The following INPP5F variants were observed in gnomAD, a reference collection of about 807,000 sequenced individuals.
INPP5F encodes inositol polyphosphate-5-phosphatase F.
A neutral mutation model predicts 137.2 loss-of-function variants in INPP5F; 97 were observed. That is an observed-to-expected ratio of 0.71 (90% CI 0.60 to 0.84). The LOEUF (loss-of-function observed/expected upper bound fraction) is 0.84, where lower values mean the gene tolerates loss of function less well. Among genes scored for constraint, INPP5F ranks in the 40% least tolerant of loss-of-function variants. The pLI, the probability that INPP5F is intolerant of heterozygous loss-of-function variation, is 0.00. For synonymous variants in INPP5F, 504 were observed against 476.9 expected (o/e 1.06, Z -0.74); for missense variants, 1,271 against 1,371.9 (o/e 0.93, Z 1.16).
chr10:119,819,251 A>AG (rs1851441089), intron 15 of INPP5F: 5 of 50,446 alleles, frequency 9.9e-5, no homozygotes, highest in African/African-American at 2.7e-4. Flanking sequence ...TTTAAAGGGG[A>AG]AGGGTGGGTG....
chr10:119,794,599 G>A (rs1850261858), intron 6 of INPP5F, among the ~76,000 whole-genome samples: 1 of 151,694 alleles, frequency 6.6e-6, no homozygotes, highest in African/African-American at 2.4e-5. Flanking sequence ...GGGGCGGCCG[G>A]GCAAAGGCGC....
chr10:119,757,989 T>C (rs1023265201), intron 2 of INPP5F, among the ~76,000 whole-genome samples: 2 of 152,216 alleles, frequency 1.3e-5, no homozygotes, highest in Non-Finnish European at 2.9e-5. Flanking sequence ...TGAGTACTTA[T>C]GGATTTAACA....
chr10:119,796,739 A>G lies in INPP5F; in HGVS notation c.694A>G (p.Ile232Val), dbSNP rs745636185. Reference sequence around the variant, plus strand: ...GACTCCAGATGTGGACTTTTGGATTATCCCCATGATCCAAGGTTTTGTGCA... The same window carrying G: ...GACTCCAGATGTGGACTTTTGGATTGTCCCCATGATCCAAGGTTTTGTGCA... ...IGTPDVDFWI[I>V]PMIQGFVQIE... The change falls in exon 7 of 20, where the codon ATC (isoleucine) becomes GTC (valine). Residue 232 changes from isoleucine (I) to valine (V), a missense_variant. Physicochemically the swap from Ile to Val is conservative, Grantham distance 29. This residue lies in a region of INPP5F where 593 missense variants were observed against 712.4 expected (regional missense o/e 0.83). Coordinates refer to ENST00000650623, the MANE Select transcript of INPP5F (RefSeq NM_014937.4). The G allele has an allele frequency of 6.2e-7, 1 of 1,613,838 alleles. No individual in the cohort carries two copies. The highest frequency in any genetic ancestry group is 8.5e-7 in the Non-Finnish European group (1 of 1,179,850).
Position 119,797,542 on chromosome 10 carries a change from A to G in INPP5F, c.950A>G (p.His317Arg). 6.2e-7 allele frequency: 1 copy of G among 1,613,020 alleles called. No individual in the cohort carries two copies. The highest frequency in any genetic ancestry group is 1.1e-5 in the South Asian group (1 of 90,728). Residue 317 changes from histidine (H) to arginine (R), a missense_variant, in exon 8 of 20, where the codon CAT becomes CGT. Transcript: ENST00000650623. Reference sequence around the variant, plus strand: ...GAGACTGAGCAGTTGATTCATGTTCATAATCATACCCTGTCATTTGTTCAA... The same window carrying G: ...GAGACTGAGCAGTTGATTCATGTTCGTAATCATACCCTGTCATTTGTTCAA... ...YVETEQLIHVHNHTLSFVQTR... is the reference protein window; with the variant it reads ...YVETEQLIHVRNHTLSFVQTR...
intron 15 of INPP5F, chr10:119,814,586 C>A (rs1284584078): frequency 6.6e-6 from 1 of 152,232 alleles, no homozygotes; most frequent in Non-Finnish European, 1.5e-5. Flanking sequence ...CCCCAAAAAG[C>A]AGCTGCCCAC....
chr10:119,785,286 G>GTTTTTTTTTTTTTTTTTTTTTTTTTTT (rs71019717), intron 3 of INPP5F, among the ~76,000 whole-genome samples: 15 of 106,232 alleles, frequency 1.4e-4, no homozygotes, highest in South Asian at 4.5e-4. Flanking sequence ...CTGCCAGACT[G>GTTTTTTTTTTTTTTTTTTTTTTTTTTT]TTTTTTTTTT....
chr10:119,790,161 C>T (rs544817160), intron 3 of INPP5F, among the ~76,000 whole-genome samples: 5 of 151,656 alleles, frequency 3.3e-5, no homozygotes, highest in African/African-American at 1.2e-4. Context: ...AGGAGTCGCT[C>T]GGGGGTGTGC....
intron 1 of INPP5F, among the ~76,000 whole-genome samples, chr10:119,732,036 GTTTTTTTTTTTTTTTT>G (rs57619660): frequency 2.0e-5 from 2 of 101,614 alleles, no homozygotes; most frequent in Non-Finnish European, 3.9e-5. Flanking sequence ...AAGACAAGTG[GTTTTTTTTTTTTTTTT>G]TTTTTTAGTG....
At position 119,748,797 on chromosome 10, in the gene INPP5F, C is replaced by T. The variant is rs555403401; in HGVS notation, c.98-2279C>T. Among the ~76,000 whole-genome samples the T allele has an allele frequency of 3.3e-5, 5 of 152,194 alleles. No individual in the cohort carries two copies. Among genetic ancestry groups the T allele is most frequent in the African/African-American group, 1.2e-4 (5 of 41,450 alleles). ...CTTACTCCAGCTCACGGACTCCACC[C>T]GGAACCTGCAGCTCAGACCCCAGGC... On this transcript the variant is annotated intron_variant, in intron 1 of 19. Coordinates refer to ENST00000650623, the MANE Select transcript of INPP5F (RefSeq NM_014937.4). The surrounding 1 kb of genome is among the most constrained non-coding windows in gnomAD (Gnocchi z 4.7).
At chr10:119,812,066 T>A (rs1380642079) in intron 15 of INPP5F, 111 bp downstream of exon 15, 2 of 815,672 alleles carry the variant, frequency 2.5e-6, no homozygotes, top group Non-Finnish European at 4.0e-6. Flanking sequence ...GCATGGCGCG[T>A]GACTATTTCC....
Position 119,827,063 on chromosome 10 carries a change from T to C in INPP5F, c.2682T>C (p.Ile894=). The C allele has an allele frequency of 6.2e-7, 1 of 1,614,108 alleles. No homozygotes were observed. The highest frequency in any genetic ancestry group is 8.5e-7 in the Non-Finnish European group (1 of 1,179,984). Residue 894 remains isoleucine (I), a synonymous_variant, in exon 20 of 20, where the codon ATT becomes ATC. Transcript: ENST00000650623. Reference sequence around the variant, plus strand: ...ATTACGTTCTTCCTAGTTGTGGTATTATTGCCTCAGCGCCTCGATTGGGCA... The same window carrying C: ...ATTACGTTCTTCCTAGTTGTGGTATCATTGCCTCAGCGCCTCGATTGGGCA... ...PIDYVLPSCG[I]IASAPRLGSR... is the part of the protein sequence containing the mutation.
intron 1 of INPP5F, among the ~76,000 whole-genome samples, chr10:119,745,080 A>G (rs544840160): frequency 6.6e-6 from 1 of 152,192 alleles, no homozygotes; most frequent in South Asian, 2.1e-4. Flanking sequence ...GGAAAAGGGT[A>G]TTGAATGAGG....
intron 2 of INPP5F, among the ~76,000 whole-genome samples, chr10:119,765,864 A>T (rs1434474658): frequency 3.3e-5 from 1 of 30,748 alleles, no homozygotes; most frequent in Non-Finnish European, 7.8e-5. Flanking sequence ...TACACTATAT[A>T]CTATATATAT....
Position 119,726,379 on chromosome 10 carries a change from C to T in INPP5F, c.97+20C>T. 1 of 1,271,458 alleles carries T rather than the reference C, an allele frequency of 7.9e-7. No homozygotes were observed. The highest frequency in any genetic ancestry group is 1.0e-6 in the Non-Finnish European group (1 of 1,000,868). 78.8% of individuals were successfully genotyped at this position (1,271,458 alleles called of 1,614,324 possible). A position where few individuals can be genotyped will look rare whatever the true frequency, so the allele number is the denominator to read the frequency against. ...GACCCGGTGAGGCTGGCGGTGCGGGCGGGGGGCACCCCGGGCCAGGGCGGG... is the reference window on the plus strand; with the variant it reads ...GACCCGGTGAGGCTGGCGGTGCGGGTGGGGGGCACCCCGGGCCAGGGCGGG... On this transcript the variant is annotated intron_variant, in intron 1 of 19. Transcript: ENST00000650623.
intron 15 of INPP5F, chr10:119,819,316 G>T: frequency 4.2e-6 from 2 of 476,972 alleles, no homozygotes; most frequent in Non-Finnish European, 6.1e-6. Flanking sequence ...TGGGGGTGGG[G>T]GGAGGGTTGA....
intron 3 of INPP5F, among the ~76,000 whole-genome samples, chr10:119,786,278 G>A (rs1272791933): frequency 6.6e-6 from 1 of 152,192 alleles, no homozygotes; most frequent in African/African-American, 2.4e-5. Context: ...GTTGTGATAA[G>A]GACCTAACCA....
At position 119,797,522 on chromosome 10, in the gene INPP5F, T is replaced by G; in HGVS notation, c.930T>G (p.Thr310=). 1.2e-6 allele frequency: 2 copies of G among 1,612,786 alleles called. No individual in the cohort carries two copies. Among genetic ancestry groups the G allele is most frequent in the Non-Finnish European group, 1.7e-6 (2 of 1,179,216 alleles). The part of the protein sequence containing the change: ...KNGNVANYVE[T]EQLIHVHNHT... ...GAAATGTTGCCAATTATGTGGAGAC[T>G]GAGCAGTTGATTCATGTTCATAATC... Residue 310 remains threonine, a synonymous_variant, in exon 8 of 20, where the codon ACT becomes ACG. Transcript: ENST00000650623.
At chr10:119,756,265 T>C (rs1848839294) in intron 2 of INPP5F, among the ~76,000 whole-genome samples, 1 of 152,204 alleles carries the variant, frequency 6.6e-6, no homozygotes, top group Admixed American at 6.5e-5. Flanking sequence ...ACCACTTAGA[T>C]TGTGGCTACA....
At position 119,744,132 on chromosome 10, in the gene INPP5F, C is replaced by T. The variant is rs539859615; in HGVS notation, c.98-6944C>T. Reference sequence around the variant, plus strand: ...TTTTCTCTTCTATTCTGTTTTAGTGCTATTAATGCTGATCTCTTTATAAGA... The same window carrying T: ...TTTTCTCTTCTATTCTGTTTTAGTGTTATTAATGCTGATCTCTTTATAAGA... On this transcript the variant is annotated intron_variant, in intron 1 of 19. Transcript: ENST00000650623. Among the ~76,000 whole-genome samples the T allele has an allele frequency of 5.6e-3, 847 of 152,238 alleles. 11 individuals are homozygous for T. The highest frequency in any genetic ancestry group is 0.02 in the African/African-American group (820 of 41,540).
Sources: allele counts gnomAD v4.1 joint callset (sites outside exome capture counted in the v4.1 genomes callset), GRCh38; gene constraint gnomAD v4.1.1; regional missense constraint gnomAD v4.1.1; non-coding constraint Gnocchi (gnomAD v3.1); transcripts MANE v1.5; gene names NCBI Gene and HGNC (gene_info 2026-07-23, HGNC 2026-07-21).